The following LATS2 variants were observed in gnomAD, a reference collection of about 807,000 sequenced individuals.
LATS2 encodes the protein serine/threonine-protein kinase LATS2.
A neutral mutation model predicts 76.0 loss-of-function variants in LATS2; 24 were observed. The ratio of observed to expected loss-of-function variants is 0.32; its 90% CI spans 0.23 to 0.44. LATS2 has a LOEUF of 0.44. LATS2 is among the 20% of genes least tolerant of loss of function. The probability of loss-of-function intolerance (pLI) is 1.00; values close to 1 mark genes in which losing one functional copy is unlikely to be tolerated. For synonymous variants in LATS2, 692 were observed against 635.4 expected (o/e 1.09, Z -1.34); for missense variants, 1,286 against 1,481.2 (o/e 0.87, Z 2.16).
intron 2 of LATS2, among the ~76,000 whole-genome samples, chr13:20,999,106 T>C (rs1870912152): frequency 2.0e-5 from 3 of 152,260 alleles, no homozygotes; most frequent in Non-Finnish European, 4.4e-5. Context: ...GCACGTGCCG[T>C]GTGCGAGCCA....
chr13:21,031,012 T>C (rs768036053), intron 2 of LATS2, among the ~76,000 whole-genome samples: 13 of 152,356 alleles, frequency 8.5e-5, no homozygotes, highest in African/African-American at 3.1e-4. Context: ...TATTTTTTTC[T>C]TCAGCACTTT....
In LATS2 at chr13:20,991,261, C is replaced by G. The variant is rs1363278517; in HGVS notation, c.475+11G>C. On this transcript the variant is annotated intron_variant, in intron 3 of 7. Coordinates refer to ENST00000382592, the MANE Select transcript of LATS2 (RefSeq NM_014572.3). The surrounding 1 kb of genome is among the most constrained non-coding windows in gnomAD (Gnocchi z 4.9). Reference sequence around the variant, plus strand: ...CCATCTTTGCCCACTATGCTGCAGGCCTGGGCTCACCTGGGGAGGTCTGCT... The same window carrying G: ...CCATCTTTGCCCACTATGCTGCAGGGCTGGGCTCACCTGGGGAGGTCTGCT... 1.9e-6 allele frequency: 3 copies of G among 1,614,018 alleles called. No homozygotes were observed. In the South Asian group the frequency reaches 3.3e-5, roughly 18 times the overall value.
At position 20,988,384 on chromosome 13, in the gene LATS2, C is replaced by A; in HGVS notation, c.1396G>T (p.Val466Leu). 7.3e-7 allele frequency: 1 copy of A among 1,373,564 alleles called. No individual in the cohort carries two copies. Among genetic ancestry groups the A allele is most frequent in the Non-Finnish European group, 9.3e-7 (1 of 1,073,598 alleles). 85.1% of individuals were successfully genotyped at this position (1,373,564 alleles called of 1,614,324 possible). The part of the protein sequence containing the change: ...TAVGPSHPAW[V>L]PAPAPAPAPA... ...GCGGGGGCCGGGGCAGGCGCGGGCA[C>A]CCAGGCGGGGTGCGAGGGCCCCACA... is the stretch of plus-strand genomic sequence containing the variant. Residue 466 changes from valine to leucine, a missense_variant, in exon 4 of 8, where the codon GTG becomes TTG. Val to Leu is a conservative substitution (Grantham distance 32). Around this residue, in one of 5 missense-constraint regions of LATS2, gnomAD observed 710 missense variants for 660.9 expected, o/e 1.07. Transcript: ENST00000382592.
chr13:21,030,933 T>C (rs867931946), intron 2 of LATS2, among the ~76,000 whole-genome samples: 8 of 151,944 alleles, frequency 5.3e-5, no homozygotes, highest in African/African-American at 1.7e-4. Context: ...AGATTTTTGT[T>C]CCCCCGGAAA....
chr13:21,031,981 T>C (rs566634412), intron 2 of LATS2, among the ~76,000 whole-genome samples: 5 of 152,362 alleles, frequency 3.3e-5, no homozygotes, highest in African/African-American at 9.6e-5. Context: ...CTAACAAAAT[T>C]TGTCATTTTA....
At chr13:21,057,598 C>G (rs1399453947) in intron 1 of LATS2, among the ~76,000 whole-genome samples, 1 of 152,030 alleles carries the variant, frequency 6.6e-6, no homozygotes, top group African/African-American at 2.4e-5. Flanking sequence ...TCGAGACCAT[C>G]CTGGCTACTA....
intron 4 of LATS2, among the ~76,000 whole-genome samples, chr13:20,985,123 T>C (rs947821741): frequency 2.0e-5 from 3 of 152,158 alleles, no homozygotes; most frequent in African/African-American, 7.2e-5. Context: ...TCTCACCATA[T>C]AGGAATGTCA....
At chr13:21,028,166 G>C (rs1872387172) in intron 2 of LATS2, among the ~76,000 whole-genome samples, 1 of 152,180 alleles carries the variant, frequency 6.6e-6, no homozygotes, top group East Asian at 1.9e-4. Context: ...ATCTATGAGT[G>C]AGAACATGCG....
chr13:21,043,390 GATGC>G (rs1432384953), intron 2 of LATS2, among the ~76,000 whole-genome samples: 2 of 151,736 alleles, frequency 1.3e-5, no homozygotes, highest in Admixed American at 1.3e-4. Context: ...TTAACAAACT[GATGC>G]ATACAACTCT....
chr13:21,046,963 G>T (rs1873097556), intron 1 of LATS2, among the ~76,000 whole-genome samples: 1 of 152,134 alleles, frequency 6.6e-6, no homozygotes, highest in South Asian at 2.1e-4. Context: ...GTAACAGCAT[G>T]TAGGCAACTT....
chr13:20,991,553 A>C lies in LATS2; in HGVS notation c.343-149T>G, dbSNP rs1870511921. The stretch of plus-strand genomic sequence containing the variant: ...CGATATGCTGCAGGAGACCCTCAGA[A>C]TGAGTGCAGGTGGCTGTGTGCCCTG... On this transcript the variant is annotated intron_variant, in intron 2 of 7. Coordinates refer to ENST00000382592, the MANE Select transcript of LATS2 (RefSeq NM_014572.3). The surrounding 1 kb of genome is among the most constrained non-coding windows in gnomAD (Gnocchi z 4.9). The C allele has an allele frequency of 1.1e-6, 1 of 889,074 alleles. No homozygotes were observed. 55.1% of individuals were successfully genotyped at this position (889,074 alleles called of 1,614,324 possible). A position where few individuals can be genotyped will look rare whatever the true frequency, so the allele number is the denominator to read the frequency against.
rs377626485 is a variant in LATS2, at chr13:20,989,287, T to C, written c.493A>G (p.Thr165Ala). 2.7e-5 allele frequency: 44 copies of C among 1,613,678 alleles called. No homozygotes were observed. Among genetic ancestry groups the C allele is most frequent in the Non-Finnish European group, 3.3e-5 (39 of 1,180,000 alleles). The change falls in exon 4 of 8, where the codon ACC becomes GCC. Residue 165 changes from threonine to alanine, a missense_variant. Physicochemically the swap from Thr to Ala is moderately conservative, Grantham distance 58. This residue lies in a region of LATS2 where 710 missense variants were observed against 660.9 expected (regional missense o/e 1.07). Transcript: ENST00000382592. ...QTSPGKGLMPTPVTRRPSFEG... is the reference protein window; with the variant it reads ...QTSPGKGLMPAPVTRRPSFEG... ...AAGCTGGGCCTCCGCGTCACTGGGG[T>C]TGGCATGAGCCCCTTTCCTGCAGTG...
intron 5 of LATS2, 54 bp downstream of exon 5, chr13:20,983,170 G>T: frequency 1.6e-6 from 2 of 1,233,500 alleles, no homozygotes; most frequent in Admixed American, 2.1e-5. Flanking sequence ...TGCTTGCAAT[G>T]GGGTTAGTGA....
chr13:21,043,099 C>T (rs1178644605), intron 2 of LATS2, among the ~76,000 whole-genome samples: 3 of 152,046 alleles, frequency 2.0e-5, no homozygotes, highest in East Asian at 1.9e-4. Flanking sequence ...CTTGGGAGGC[C>T]GAACGAAGCA....
chr13:20,981,551 C>T lies in LATS2; in HGVS notation c.2580G>A (p.Arg860=), dbSNP rs759628142. 1 of 1,614,124 alleles carries T rather than the reference C, an allele frequency of 6.2e-7. No homozygotes were observed. The change falls in exon 6 of 8, where the codon AGG becomes AGA. Residue 860 remains arginine (R), a synonymous_variant. Coordinates refer to ENST00000382592, the MANE Select transcript of LATS2 (RefSeq NM_014572.3). ...CGDRLKTLEQ[R]ARKQHQRCLA... is the part of the protein sequence containing the mutation. ...GGCACCTCTGGTGCTGCTTCCGCGC[C>T]CTCTGCTCTAGGGTCTTCAGCCTGT...
At chr13:20,975,388 G>A in intron 7 of LATS2, 24 bp from the exon 8 acceptor site, 1 of 1,525,484 alleles carries the variant, frequency 6.6e-7, no homozygotes, top group Non-Finnish European at 8.8e-7. Context: ...AGAGCCAACA[G>A]GTTAGTTTCT....
intron 2 of LATS2, among the ~76,000 whole-genome samples, chr13:21,027,399 G>GTAAA (rs1315458463): frequency 6.6e-6 from 1 of 152,188 alleles, no homozygotes; most frequent in African/African-American, 2.4e-5. Flanking sequence ...TGAGGTCAGA[G>GTAAA]TAAATGTTAA....
chr13:21,027,213 G>C (rs1156255754), intron 2 of LATS2, among the ~76,000 whole-genome samples: 1 of 152,012 alleles, frequency 6.6e-6, no homozygotes, highest in Non-Finnish European at 1.5e-5. Context: ...TTTTCATTTT[G>C]TAAACATCCA....
intron 2 of LATS2, among the ~76,000 whole-genome samples, chr13:21,032,074 C>T (rs963477335): frequency 3.3e-5 from 5 of 152,106 alleles, no homozygotes; most frequent in African/African-American, 1.2e-4. Context: ...TGCCTTAGTT[C>T]CTAAGGGTTT....
Sources: allele counts gnomAD v4.1 joint callset (sites outside exome capture counted in the v4.1 genomes callset), GRCh38; gene constraint gnomAD v4.1.1; regional missense constraint gnomAD v4.1.1; non-coding constraint Gnocchi (gnomAD v3.1); transcripts MANE v1.5; gene names NCBI Gene and HGNC (gene_info 2026-07-23, HGNC 2026-07-21).